The following ADK variants were observed in gnomAD, a reference collection of about 807,000 sequenced individuals.
ADK encodes the protein adenosine kinase, also known as N6,N6-dimethyladenosine kinase.
A neutral mutation model predicts 44.7 loss-of-function variants in ADK; 24 were observed. The observed-to-expected ratio is 0.54, with a 90% confidence interval of 0.39 to 0.76. The LOEUF is 0.76. Among genes scored for constraint, ADK ranks in the 30% least tolerant of loss-of-function variants. ADK has a pLI of 0.00. For synonymous variants in ADK, 128 were observed against 142.6 expected (o/e 0.90, Z 0.73); for missense variants, 321 against 425.1 (o/e 0.76, Z 2.15).
At chr10:74,655,704 A>C in intron 9 of ADK, 1 of 480,514 alleles carries the variant, frequency 2.1e-6, no homozygotes. Context: ...AGAGCTGCCC[A>C]GGGAGCTGAG....
chr10:74,671,208 C>T (rs1309114758), intron 10 of ADK, among the ~76,000 whole-genome samples: 1 of 151,492 alleles, frequency 6.6e-6, no homozygotes, highest in Non-Finnish European at 1.5e-5. Context: ...TTCTCTAAAA[C>T]TATTCATGCC....
At chr10:74,488,166 A>C (rs1847333674) in intron 6 of ADK, among the ~76,000 whole-genome samples, 2 of 151,992 alleles carry the variant, frequency 1.3e-5, no homozygotes, top group Admixed American at 1.3e-4. Context: ...CATGAAAGAC[A>C]GTAAGGAGAA....
chr10:74,547,325 G>C (rs1849856291), intron 7 of ADK, among the ~76,000 whole-genome samples: 1 of 151,454 alleles, frequency 6.6e-6, no homozygotes, highest in African/African-American at 2.4e-5. Context: ...GGAGTTCCTT[G>C]ATCTTTCTCC....
chr10:74,553,606 C>A (rs1850130592), intron 7 of ADK, among the ~76,000 whole-genome samples: 1 of 152,134 alleles, frequency 6.6e-6, no homozygotes, highest in South Asian at 2.1e-4. Flanking sequence ...CAAGAAGAGT[C>A]AGATGCAAAA....
chr10:74,521,050 A>G (rs557943742), intron 6 of ADK, among the ~76,000 whole-genome samples: 1 of 152,156 alleles, frequency 6.6e-6, no homozygotes, highest in Non-Finnish European at 1.5e-5. Context: ...ATGTAGAAAA[A>G]AAATTTTGTA....
At chr10:74,172,272 C>T (rs1329007255) in intron 1 of ADK, among the ~76,000 whole-genome samples, 1 of 151,804 alleles carries the variant, frequency 6.6e-6, no homozygotes, top group African/African-American at 2.4e-5. Flanking sequence ...CCAGGTAGCT[C>T]GGACTACAGG....
chr10:74,604,836 T>A (rs964322970), intron 9 of ADK, among the ~76,000 whole-genome samples: 1 of 152,238 alleles, frequency 6.6e-6, no homozygotes, highest in Non-Finnish European at 1.5e-5. Flanking sequence ...TAAATTACTT[T>A]GGGTAGTATG....
intron 10 of ADK, among the ~76,000 whole-genome samples, chr10:74,673,787 A>G (rs1167679479): frequency 6.6e-6 from 1 of 152,044 alleles, no homozygotes; most frequent in African/African-American, 2.4e-5. Flanking sequence ...AATGCAGGGG[A>G]TTTTATTGCC....
intron 6 of ADK, among the ~76,000 whole-genome samples, chr10:74,518,793 A>C (rs1182701522): frequency 6.6e-6 from 1 of 152,140 alleles, no homozygotes; most frequent in Non-Finnish European, 1.5e-5. Flanking sequence ...ACCTAAACTT[A>C]ACCAGTTTTA....
At chr10:74,361,317 C>G (rs903400199) in intron 4 of ADK, among the ~76,000 whole-genome samples, 1 of 152,140 alleles carries the variant, frequency 6.6e-6, no homozygotes, top group African/African-American at 2.4e-5. Context: ...AACTTTTCTT[C>G]TGCTTCTTTT....
At chr10:74,400,835 C>G (rs1037019817) in intron 6 of ADK, among the ~76,000 whole-genome samples, 2 of 152,208 alleles carry the variant, frequency 1.3e-5, no homozygotes, top group Non-Finnish European at 2.9e-5. Flanking sequence ...CTCAGCTCTG[C>G]TTCTTCACAC....
chr10:74,314,798 G>A (rs1327245501), intron 4 of ADK, 53 bp downstream of exon 4: 2 of 1,307,780 alleles, frequency 1.5e-6, no homozygotes, highest in Non-Finnish European at 2.2e-6. Flanking sequence ...CTAGACCCAT[G>A]TCTATTTTGC....
chr10:74,701,909 AC>A (rs1423356731), intron 10 of ADK, among the ~76,000 whole-genome samples: 2 of 152,158 alleles, frequency 1.3e-5, no homozygotes, highest in African/African-American at 4.8e-5. Flanking sequence ...GTACCACTGC[AC>A]TCCAGCCTCG....
At chr10:74,382,092 C>T (rs906797607) in intron 4 of ADK, among the ~76,000 whole-genome samples, 1 of 151,854 alleles carries the variant, frequency 6.6e-6, no homozygotes, top group Non-Finnish European at 1.5e-5. Context: ...TTCTTCCTTT[C>T]CTCACCTTCC....
At chr10:74,342,139 C>G (rs1841603038) in intron 4 of ADK, among the ~76,000 whole-genome samples, 1 of 152,090 alleles carries the variant, frequency 6.6e-6, no homozygotes, top group Non-Finnish European at 1.5e-5. Context: ...CATTGCAATT[C>G]CAAGTGAATT....
chr10:74,701,474 G>A (rs1856414851), intron 10 of ADK, among the ~76,000 whole-genome samples: 1 of 152,138 alleles, frequency 6.6e-6, no homozygotes, highest in Admixed American at 6.6e-5. Flanking sequence ...GCTGATTCCA[G>A]GGCATAGTAG....
chr10:74,490,413 A>G (rs1847434014), intron 6 of ADK, among the ~76,000 whole-genome samples: 1 of 152,130 alleles, frequency 6.6e-6, no homozygotes, highest in Admixed American at 6.6e-5. Flanking sequence ...AAATGTAATT[A>G]TATAGAAGAA....
At chr10:74,555,501 T>G (rs1193443236) in intron 7 of ADK, among the ~76,000 whole-genome samples, 2 of 151,866 alleles carry the variant, frequency 1.3e-5, no homozygotes, top group Non-Finnish European at 2.9e-5. Context: ...ATTCCAGCAT[T>G]TTGGAAGGCC....
chr10:74,534,811 G>A (rs1849397858), intron 7 of ADK, among the ~76,000 whole-genome samples: 1 of 152,172 alleles, frequency 6.6e-6, no homozygotes, highest in African/African-American at 2.4e-5. Flanking sequence ...AAGTGCATGA[G>A]GGAAAACTCA....
Sources: gnomAD v4.1 joint callset for allele counts (sites outside exome capture counted in the v4.1 genomes callset) on GRCh38, gnomAD v4.1.1 for gene constraint, MANE v1.5 for transcripts, NCBI Gene and HGNC (gene_info 2026-07-23, HGNC 2026-07-21) for gene names.